Variants in DEPDC7 observed in about 807,000 individuals in gnomAD.
DEPDC7 encodes the protein DEP domain-containing protein 7.
Under a neutral mutation model 56.6 loss-of-function variants are expected in DEPDC7, and 41 were observed. The observed-to-expected ratio is 0.72, with a 90% CI of 0.56 to 0.94. DEPDC7 has a LOEUF of 0.94. Ranked by LOEUF, DEPDC7 falls within the 40% of genes least tolerant of loss-of-function variation. The pLI is 0.00. For synonymous variants in DEPDC7, 185 were observed against 208.8 expected, an observed-to-expected ratio of 0.89 and a Z score of 0.98; for missense variants, 522 against 596.3, an observed-to-expected ratio of 0.88 and a Z score of 1.30.
chr11:33,032,348 C>T lies in DEPDC7; in HGVS notation c.1007C>T (p.Thr336Met), dbSNP rs772733628. Residue 336 changes from threonine (T) to methionine (M), a missense_variant, in exon 6 of 9, where the codon ACG becomes ATG. By Grantham distance (81) the Thr-to-Met change is moderately conservative (BLOSUM62 -1). Transcript: ENST00000241051. ...GIAELLVNGK[T>M]EIALEATQLL... ...CTTTTGGCTAAAGTGAATGGGAAGACGGAAATAGCTTTAGAAGCTACCCAG... is the reference window on the plus strand; with the variant it reads ...CTTTTGGCTAAAGTGAATGGGAAGATGGAAATAGCTTTAGAAGCTACCCAG... 19 of 1,555,282 alleles carry T rather than the reference C, an allele frequency of 1.2e-5. No individual in the cohort carries two copies. The highest frequency in any genetic ancestry group is 2.8e-5 in the African/African-American group (2 of 70,400).
chr11:33,024,385 C>T (rs1853553149), intron 1 of DEPDC7, among the ~76,000 whole-genome samples: 2 of 152,052 alleles, frequency 1.3e-5, no homozygotes, highest in African/African-American at 4.8e-5. Flanking sequence ...TAATAGGAGG[C>T]TTTAAAAATA....
Position 33,032,899 on chromosome 11 carries a change from C to T in DEPDC7, c.1274C>T (p.Thr425Ile), listed in dbSNP as rs1359763178. 6 of 1,602,910 alleles carry T rather than the reference C, an allele frequency of 3.7e-6. No homozygotes were observed. The highest frequency in any genetic ancestry group is 5.1e-6 in the Non-Finnish European group (6 of 1,175,610). Residue 425 changes from threonine (T) to isoleucine (I), a missense_variant, in exon 8 of 9, where the codon ACT becomes ATT. By Grantham distance (89) the Thr-to-Ile change is moderately conservative. Coordinates refer to ENST00000241051, the MANE Select transcript of DEPDC7 (RefSeq NM_001077242.2). Reference sequence around the variant, plus strand: ...CTTCTTTTTCTTAAGATTCCTGGAACTCTACATAAAATTGTAAGTGTTAAG... The same window carrying T: ...CTTCTTTTTCTTAAGATTCCTGGAATTCTACATAAAATTGTAAGTGTTAAG... ...HQKDVFKIPG[T>I]LHKIVSVKLM...
intron 2 of DEPDC7, among the ~76,000 whole-genome samples, chr11:33,027,270 A>G (rs1853589161): frequency 6.6e-6 from 1 of 152,200 alleles, no homozygotes; most frequent in Non-Finnish European, 1.5e-5. Flanking sequence ...TATGAGCTCT[A>G]AATAAACCTT....
chr11:33,031,523 T>A lies in DEPDC7; in HGVS notation c.928T>A (p.Tyr310Asn). Reference protein sequence around the residue: ...ELLFDAIGRYYSSREPLLNHL... With the variant: ...ELLFDAIGRYNSSREPLLNHL... ...TCTGTTTGATGCCATTGGCAGATAT[T>A]ACAGTAGTAGGGAACCTCTGTTAAA... Residue 310 changes from tyrosine (Y) to asparagine (N), a missense_variant, in exon 5 of 9, where the codon TAC becomes AAC. Physicochemically the swap from Tyr to Asn is moderately radical, Grantham distance 143. Coordinates refer to ENST00000241051, the MANE Select transcript of DEPDC7 (RefSeq NM_001077242.2). 6 of 1,614,154 alleles carry A rather than the reference T, an allele frequency of 3.7e-6. No homozygotes were observed. The highest frequency in any genetic ancestry group is 4.2e-6 in the Non-Finnish European group (5 of 1,179,988).
intron 1 of DEPDC7, among the ~76,000 whole-genome samples, chr11:33,020,103 G>A (rs1191914966): frequency 2.0e-5 from 3 of 152,018 alleles, no homozygotes; most frequent in Middle Eastern, 3.2e-3. Flanking sequence ...GTTTTCATAG[G>A]TTTTCACAGT....
chr11:33,016,081 G>A, intron 1 of DEPDC7, 53 bp downstream of exon 1: 1 of 1,347,478 alleles, frequency 7.4e-7, no homozygotes, highest in African/African-American at 1.5e-5. Flanking sequence ...TGGGGTGCGC[G>A]GGCTGGGTCC....
In DEPDC7 at chr11:33,027,687, T is replaced by A; in HGVS notation, c.466T>A (p.Tyr156Asn). 3.3e-6 allele frequency: 5 copies of A among 1,509,172 alleles called. No homozygotes were observed. Among genetic ancestry groups the A allele is most frequent in the Non-Finnish European group, 4.4e-6 (5 of 1,135,266 alleles). The allele number at this position is 1,509,172 out of a possible 1,614,324, so 93.5% of individuals were successfully genotyped here. Residue 156 changes from tyrosine (Y) to asparagine (N), a missense_variant and splice_region_variant, in exon 3 of 9, where the codon TAT (tyrosine) becomes AAT (asparagine). By Grantham distance (143) the Tyr-to-Asn change is moderately radical. Coordinates refer to ENST00000241051, the MANE Select transcript of DEPDC7 (RefSeq NM_001077242.2). ...ATTTCTGAAATAAATTCATTTTAGG[T>A]ATGCAGATGCATTATTTAAGTCATC... Reference protein sequence around the residue: ...KENKLYSPARYADALFKSSDI... With the variant: ...KENKLYSPARNADALFKSSDI...
At chr11:33,019,435 G>A (rs1429604880) in intron 1 of DEPDC7, among the ~76,000 whole-genome samples, 1 of 152,062 alleles carries the variant, frequency 6.6e-6, no homozygotes, top group African/African-American at 2.4e-5. Flanking sequence ...GGAGGTTGAG[G>A]CAGGTGGATC....
At chr11:33,016,342 A>G (rs1853460967) in intron 1 of DEPDC7, 1 of 1,400,208 alleles carries the variant, frequency 7.1e-7, no homozygotes, top group Non-Finnish European at 9.2e-7. Flanking sequence ...CGCGCCGGGG[A>G]GCTCCGGGAT....
intron 1 of DEPDC7, among the ~76,000 whole-genome samples, chr11:33,021,517 A>G (rs916731599): frequency 4.6e-5 from 7 of 152,220 alleles, no homozygotes; most frequent in African/African-American, 1.7e-4. Context: ...AATGACGATA[A>G]ATAAGTTTCA....
chr11:33,027,574 G>A, intron 2 of DEPDC7, 112 bp from the exon 3 acceptor site: 1 of 903,462 alleles, frequency 1.1e-6, no homozygotes, highest in Non-Finnish European at 1.5e-6. Context: ...ATTTGGATTT[G>A]TTGTGTTTTT....
In DEPDC7 at chr11:33,028,588, AT is replaced by A; in HGVS notation, c.593-10del. 1.9e-6 allele frequency: 3 copies of A among 1,564,838 alleles called. No individual in the cohort carries two copies. Among genetic ancestry groups the A allele is most frequent in the Admixed American group, 4.0e-5 (2 of 49,600 alleles). On this transcript the variant is annotated splice_polypyrimidine_tract_variant and intron_variant, in intron 3 of 8. Transcript: ENST00000241051. The stretch of plus-strand genomic sequence containing the variant: ...ATTAATTGTTACTTTTCACCTTGTC[AT>A]TTTTCCTGTGTAGTTATTAATGAAG...
chr11:33,028,865 TTCTA>T, intron 4 of DEPDC7, 73 bp downstream of exon 4: 1 of 1,171,520 alleles, frequency 8.5e-7, no homozygotes, highest in Non-Finnish European at 1.2e-6. Context: ...AGGTAATCTG[TTCTA>T]TTCTTTTTTC....
At position 33,031,485 on chromosome 11, in the gene DEPDC7, T is replaced by C; in HGVS notation, c.890T>C (p.Leu297Ser). Residue 297 changes from leucine to serine, a missense_variant, in exon 5 of 9, where the codon TTA becomes TCA. By Grantham distance (145) the Leu-to-Ser change is moderately radical. Coordinates refer to ENST00000241051, the MANE Select transcript of DEPDC7 (RefSeq NM_001077242.2). ...CCTGAGCAACCAGACCGAACAGACTTAGTGAAAGAACTTCTGTTTGATGCC... is the reference window on the plus strand; with the variant it reads ...CCTGAGCAACCAGACCGAACAGACTCAGTGAAAGAACTTCTGTTTGATGCC... ...SFPEQPDRTD[L>S]VKELLFDAIG... is the part of the protein sequence containing the mutation. 4 of 1,614,154 alleles carry C rather than the reference T, an allele frequency of 2.5e-6. No homozygotes were observed. The highest frequency in any genetic ancestry group is 1.1e-5 in the South Asian group (1 of 91,088).
At chr11:33,024,173 AT>A (rs1250894362) in intron 1 of DEPDC7, among the ~76,000 whole-genome samples, 2 of 152,156 alleles carry the variant, frequency 1.3e-5, no homozygotes, top group Non-Finnish European at 2.9e-5. Flanking sequence ...TTTCCTATTG[AT>A]TTCCAAATAT....
In DEPDC7 at chr11:33,033,556, G is replaced by A; in HGVS notation, c.*101G>A. The A allele has an allele frequency of 1.1e-6, 1 of 906,688 alleles. No homozygotes were observed. The highest frequency in any genetic ancestry group is 1.6e-6 in the Non-Finnish European group (1 of 624,936). 56.2% of individuals were successfully genotyped at this position (906,688 alleles called of 1,614,324 possible). A position where few individuals can be genotyped will look rare whatever the true frequency, so the allele number is the denominator to read the frequency against. On this transcript the variant is annotated 3_prime_UTR_variant, in exon 9 of 9. Coordinates refer to ENST00000241051, the MANE Select transcript of DEPDC7 (RefSeq NM_001077242.2). ...GCGTGGAAGCTCTAAATTTGAAACTGTACTTAATAAAAATTTTTTTGTATA... is the reference window on the plus strand; with the variant it reads ...GCGTGGAAGCTCTAAATTTGAAACTATACTTAATAAAAATTTTTTTGTATA...
rs543499329 is a variant in DEPDC7, at chr11:33,033,429, A to G, written c.1510A>G (p.Ile504Val). ...LGQFYKCHPDIFIEHFGD is the reference protein window; with the variant it reads ...LGQFYKCHPDVFIEHFGD ...TCAATTCTATAAGTGTCACCCAGACATCTTTATTGAGCATTTTGGAGACTG... is the reference window on the plus strand; with the variant it reads ...TCAATTCTATAAGTGTCACCCAGACGTCTTTATTGAGCATTTTGGAGACTG... The change falls in exon 9 of 9, where the codon ATC becomes GTC. Residue 504 changes from isoleucine to valine, a missense_variant. Physicochemically the swap from Ile to Val is conservative, Grantham distance 29 (BLOSUM62 3). Coordinates refer to ENST00000241051, the MANE Select transcript of DEPDC7 (RefSeq NM_001077242.2). 1.3e-5 allele frequency: 21 copies of G among 1,591,212 alleles called. No homozygotes were observed. The highest frequency in any genetic ancestry group is 1.8e-5 in the Non-Finnish European group (21 of 1,173,580).
At chr11:33,021,674 T>G (rs979328188) in intron 1 of DEPDC7, among the ~76,000 whole-genome samples, 2 of 152,118 alleles carry the variant, frequency 1.3e-5, no homozygotes, top group African/African-American at 4.8e-5. Context: ...GTGGTGGTGC[T>G]TGAAGGGAAA....
chr11:33,022,660 G>A lies in DEPDC7; in HGVS notation c.74-2999G>A, dbSNP rs146905702. On this transcript the variant is annotated intron_variant, in intron 1 of 8. Transcript: ENST00000241051. Reference sequence around the variant, plus strand: ...TTTTAGGAAGTTAAGAATATTAGTCGCTAACAATGTTTAGGCATTGTGGCT... The same window carrying A: ...TTTTAGGAAGTTAAGAATATTAGTCACTAACAATGTTTAGGCATTGTGGCT... 4.1e-4 allele frequency among the ~76,000 whole-genome samples: 62 copies of A among 152,114 alleles called. No individual in the cohort carries two copies. In the East Asian group the frequency reaches 9.1e-3, roughly 22 times the overall value.
Sources: gnomAD v4.1 joint callset for allele counts (sites outside exome capture counted in the v4.1 genomes callset) on GRCh38, gnomAD v4.1.1 for gene constraint, MANE v1.5 for transcripts, NCBI Gene and HGNC (gene_info 2026-07-23, HGNC 2026-07-21) for gene names.